The following PCDH11X variants were observed in gnomAD, a reference collection of about 807,000 sequenced individuals.
PCDH11X encodes the protein protocadherin 11 X-linked.
Under a neutral mutation model 53.3 loss-of-function variants are expected in PCDH11X, and 18 were observed. The observed-to-expected ratio is 0.34, with a 90% CI of 0.23 to 0.50. The LOEUF is 0.50. Ranked by LOEUF, PCDH11X falls within the 20% of genes least tolerant of loss-of-function variation. PCDH11X has a pLI of 0.98. For synonymous variants in PCDH11X, 279 were observed against 393.3 expected (o/e 0.71, Z 3.44); for missense variants, 570 against 1,032.4 (o/e 0.55, Z 6.14).
chrX:92,251,040 A>G (rs62598491), intron 7 of PCDH11X, among the ~76,000 whole-genome samples: 13,172 of 110,947 alleles, frequency 0.12, 1,242 homozygotes, highest in African/African-American at 0.31. Flanking sequence ...ATAAATTACC[A>G]TTAATAGTAG....
At chrX:92,447,125 A>G (rs2072671329) in intron 9 of PCDH11X, among the ~76,000 whole-genome samples, 1 of 112,270 alleles carries the variant, frequency 8.9e-6, no homozygotes, top group Non-Finnish European at 1.9e-5. Context: ...TCAGTTTTGT[A>G]AGGAAAACAG....
At chrX:92,091,179 T>C (rs759383909) in intron 6 of PCDH11X, among the ~76,000 whole-genome samples, 13 of 111,692 alleles carry the variant, frequency 1.2e-4, no homozygotes, top group African/African-American at 4.3e-4. Context: ...TTATGATTTA[T>C]AGTTCTTGAA....
chrX:92,460,501 G>A (rs1427763063), intron 9 of PCDH11X: 2 of 716,977 alleles, frequency 2.8e-6, no homozygotes, highest in Non-Finnish European at 4.4e-6. Context: ...GAACACCACA[G>A]TGGTCACCAC....
At chrX:92,568,549 G>A (rs1921802070) in intron 10 of PCDH11X, among the ~76,000 whole-genome samples, 1 of 109,476 alleles carries the variant, frequency 9.1e-6, no homozygotes, top group African/African-American at 3.3e-5. Context: ...TATCCATGAG[G>A]AATAATAGAA....
intron 5 of PCDH11X, among the ~76,000 whole-genome samples, chrX:91,875,570 C>G (rs1245402899): frequency 2.7e-5 from 3 of 110,165 alleles, no homozygotes; most frequent in Non-Finnish European, 5.7e-5. Context: ...GAATTACAGG[C>G]GTGAGCCACC....
intron 8 of PCDH11X, among the ~76,000 whole-genome samples, chrX:92,309,528 TG>T (rs1411081777): frequency 9.0e-6 from 1 of 111,722 alleles, no homozygotes; most frequent in Non-Finnish European, 1.9e-5. Flanking sequence ...TATTGTTTAA[TG>T]GCTTTGGGGG....
intron 8 of PCDH11X, among the ~76,000 whole-genome samples, chrX:92,305,700 C>A (rs1041444281): frequency 1.8e-5 from 2 of 108,841 alleles, no homozygotes; most frequent in African/African-American, 6.7e-5. Context: ...CATCTTTTCA[C>A]AAACTTTTAA....
chrX:92,075,206 A>G (rs775340142), intron 6 of PCDH11X, among the ~76,000 whole-genome samples: 1 of 109,699 alleles, frequency 9.1e-6, no homozygotes, highest in East Asian at 2.9e-4. Context: ...CGAGGCCTCT[A>G]TTGGAATTCT....
At chrX:91,856,866 G>A (rs772560046) in intron 5 of PCDH11X, among the ~76,000 whole-genome samples, 13 of 111,600 alleles carry the variant, frequency 1.2e-4, no homozygotes, top group South Asian at 3.8e-4. Flanking sequence ...TGGCATTTGC[G>A]TTGATTCCAC....
At chrX:91,806,755 A>G (rs1299366741) in intron 1 of PCDH11X, among the ~76,000 whole-genome samples, 12 of 112,091 alleles carry the variant, frequency 1.1e-4, no homozygotes, top group Non-Finnish European at 2.3e-4. Flanking sequence ...CTTTCTTACC[A>G]TTGACAGGGG....
intron 6 of PCDH11X, among the ~76,000 whole-genome samples, chrX:91,955,114 T>G (rs1257580291): frequency 8.9e-6 from 1 of 111,964 alleles, no homozygotes; most frequent in Non-Finnish European, 1.9e-5. Context: ...TAATCCATAC[T>G]GAGTTAACTT....
chrX:91,941,308 G>T (rs770602906), intron 6 of PCDH11X, among the ~76,000 whole-genome samples: 80 of 111,548 alleles, frequency 7.2e-4, no homozygotes, highest in African/African-American at 2.6e-3. Flanking sequence ...GATAAAAATA[G>T]ACAAGATTTT....
intron 6 of PCDH11X, among the ~76,000 whole-genome samples, chrX:92,097,063 T>C (rs142970929): frequency 0.021 from 2,340 of 111,374 alleles, 64 homozygotes; most frequent in African/African-American, 0.072. Flanking sequence ...CTATTGATAA[T>C]CTTGCTTACA....
At chrX:91,967,327 G>A (rs1000764632) in intron 6 of PCDH11X, among the ~76,000 whole-genome samples, 20 of 110,511 alleles carry the variant, frequency 1.8e-4, no homozygotes, top group African/African-American at 6.6e-4. Flanking sequence ...AGGCTGCACA[G>A]CAGGAGGTGA....
chrX:92,368,171 T>A (rs1419487958), intron 8 of PCDH11X, among the ~76,000 whole-genome samples: 1 of 104,763 alleles, frequency 9.5e-6, no homozygotes, highest in Non-Finnish European at 2.0e-5. Context: ...GTCCTGTATT[T>A]CTTAGAGGCT....
chrX:92,325,674 C>T (rs994388589), intron 8 of PCDH11X, among the ~76,000 whole-genome samples: 1 of 112,164 alleles, frequency 8.9e-6, no homozygotes, highest in Admixed American at 9.4e-5. Context: ...CCACAGTCAG[C>T]ATGACCCTGA....
chrX:92,174,282 G>T, intron 6 of PCDH11X, among the ~76,000 whole-genome samples: 1 of 110,572 alleles, frequency 9.0e-6, no homozygotes, highest in South Asian at 3.8e-4. Flanking sequence ...GGATAAAAGA[G>T]AAAAAGGTGA....
intron 10 of PCDH11X, among the ~76,000 whole-genome samples, chrX:92,612,827 A>G (rs1394316520): frequency 4.6e-5 from 5 of 109,106 alleles, no homozygotes; most frequent in Non-Finnish European, 9.5e-5. Flanking sequence ...ATGTATGTGT[A>G]TAGTTAAGTC....
chrX:92,048,734 C>T (rs1315030388), intron 6 of PCDH11X, among the ~76,000 whole-genome samples: 1 of 111,899 alleles, frequency 8.9e-6, no homozygotes, highest in Non-Finnish European at 1.9e-5. Flanking sequence ...AAGACTTAAA[C>T]TCCGTATTTG....
Sources: allele counts gnomAD v4.1 joint callset (sites outside exome capture counted in the v4.1 genomes callset), GRCh38; gene constraint gnomAD v4.1.1; transcripts MANE v1.5; gene names NCBI Gene and HGNC (gene_info 2026-07-23, HGNC 2026-07-21).